The following PTBP2 variants were observed in gnomAD, a reference collection of about 807,000 sequenced individuals.
The protein encoded by PTBP2 is polypyrimidine tract binding protein 2.
In PTBP2, 13 loss-of-function variants were observed where a neutral mutation model predicts 61.4. The ratio of observed to expected loss-of-function variants is 0.21; its 90% CI spans 0.14 to 0.34. The LOEUF is 0.34. Among genes scored for constraint, PTBP2 ranks in the 10% least tolerant of loss-of-function variants. The pLI is 1.00. For synonymous variants in PTBP2, 215 were observed against 218.5 expected (o/e 0.98, Z 0.14); for missense variants, 405 against 642.6 (o/e 0.63, Z 4.00).
At chr1:96,729,891 C>A (rs61786387) in intron 2 of PTBP2, among the ~76,000 whole-genome samples, 1 of 152,202 alleles carries the variant, frequency 6.6e-6, no homozygotes. Context: ...CACACACCAC[C>A]ACACCTGGCT....
intron 3 of PTBP2, among the ~76,000 whole-genome samples, chr1:96,768,622 C>T (rs1216084250): frequency 6.6e-6 from 1 of 151,832 alleles, no homozygotes; most frequent in Non-Finnish European, 1.5e-5. Context: ...TTAAATATTA[C>T]CTATTTTATA....
At chr1:96,753,765 A>G (rs6675378) in intron 3 of PTBP2, among the ~76,000 whole-genome samples, 6,830 of 152,254 alleles carry the variant, frequency 0.045, 481 homozygotes, top group African/African-American at 0.15. Context: ...AAATATTCTA[A>G]TTGAAAAATA....
chr1:96,741,941 A>G (rs370285852), intron 2 of PTBP2, among the ~76,000 whole-genome samples: 1 of 152,214 alleles, frequency 6.6e-6, no homozygotes, highest in Non-Finnish European at 1.5e-5. Context: ...GTCTTGTAGC[A>G]GTACAACAGT....
At chr1:96,722,124 G>A (rs1407210451) in intron 1 of PTBP2, among the ~76,000 whole-genome samples, 1 of 152,148 alleles carries the variant, frequency 6.6e-6, no homozygotes, top group Admixed American at 6.5e-5. Context: ...ATCCCGGAGT[G>A]GGAGCGGGCA....
intron 2 of PTBP2, among the ~76,000 whole-genome samples, chr1:96,743,202 G>A (rs1321873023): frequency 1.3e-5 from 2 of 151,914 alleles, no homozygotes; most frequent in South Asian, 4.2e-4. Flanking sequence ...CAGGAGAATG[G>A]TGTGAACCCG....
At chr1:96,731,489 A>T (rs1021677046) in intron 2 of PTBP2, among the ~76,000 whole-genome samples, 1 of 152,124 alleles carries the variant, frequency 6.6e-6, no homozygotes, top group Non-Finnish European at 1.5e-5. Context: ...ATTCAAATAT[A>T]TATATTTGAA....
rs566683028 is a variant in PTBP2 at position 96,739,799 on chromosome 1, A to T, written c.40-11626A>T. On this transcript the variant is annotated intron_variant, in intron 2 of 13. Transcript: ENST00000674951. ...CGGCTAATTTTTTGTATATATATAT[A>T]TATTTTTTAGTAGAGACGGGGTTTC... Among the ~76,000 whole-genome samples, 45 of 150,618 alleles carry T rather than the reference A, an allele frequency of 3.0e-4. 1 individual carries two copies. The South Asian group carries it at 7.1e-3, about 24-fold the overall frequency.
intron 2 of PTBP2, among the ~76,000 whole-genome samples, chr1:96,745,431 G>T (rs1653623983): frequency 6.6e-6 from 1 of 152,026 alleles, no homozygotes. Flanking sequence ...CAAAGTGCTG[G>T]GATTATAGGT....
intron 2 of PTBP2, among the ~76,000 whole-genome samples, chr1:96,735,282 A>G (rs535744854): frequency 9.8e-5 from 15 of 152,316 alleles, no homozygotes; most frequent in African/African-American, 3.1e-4. Flanking sequence ...TAAAATTCAC[A>G]TAATAGTAAT....
chr1:96,786,118 TTA>T (rs1659175601), intron 8 of PTBP2, among the ~76,000 whole-genome samples: 1 of 152,172 alleles, frequency 6.6e-6, no homozygotes, highest in African/African-American at 2.4e-5. Flanking sequence ...ACAATTTAGT[TTA>T]TGTCTGTCAT....
At chr1:96,722,118 C>T (rs1376432868) in intron 1 of PTBP2, among the ~76,000 whole-genome samples, 2 of 152,060 alleles carry the variant, frequency 1.3e-5, no homozygotes, top group East Asian at 1.9e-4. Flanking sequence ...GTGAGGATCC[C>T]GGAGTGGGAG....
intron 2 of PTBP2, among the ~76,000 whole-genome samples, chr1:96,729,732 A>ATTTTT (rs748378072): frequency 4.5e-5 from 5 of 110,428 alleles, no homozygotes; most frequent in Non-Finnish European, 7.1e-5. Flanking sequence ...TGATACTACT[A>ATTTTT]TTTTTTTTTT....
At chr1:96,731,265 A>G (rs1016759012) in intron 2 of PTBP2, among the ~76,000 whole-genome samples, 2 of 152,240 alleles carry the variant, frequency 1.3e-5, no homozygotes, top group Admixed American at 1.3e-4. Flanking sequence ...CCACAATGCC[A>G]GAACACTCAT....
chr1:96,802,508 T>G (rs1309004919), intron 8 of PTBP2, among the ~76,000 whole-genome samples: 1 of 152,206 alleles, frequency 6.6e-6, no homozygotes, highest in Non-Finnish European at 1.5e-5. Context: ...TTTGGCTTAG[T>G]GGGCCCTTAG....
In PTBP2 at chr1:96,777,606, G is replaced by T. The variant is rs1439614354; in HGVS notation, c.454G>T (p.Ala152Ser). 1 of 1,609,722 alleles carries T rather than the reference G, an allele frequency of 6.2e-7. No homozygotes were observed. Among genetic ancestry groups the T allele is most frequent in the East Asian group, 2.2e-5 (1 of 44,820 alleles). Residue 152 changes from alanine (A) to serine (S), a missense_variant, in exon 6 of 14, where the codon GCT becomes TCT. Around this residue, in one of 4 missense-constraint regions of PTBP2, gnomAD observed 342 missense variants for 491.2 expected, o/e 0.70. Coordinates refer to ENST00000674951, the MANE Select transcript of PTBP2 (RefSeq NM_021190.4). ...CCAGCGTGCTCAGGCAGTTCTTCAA[G>T]CTGTGACAGCTGTCCAGACAGCAAA... ...LNQRAQAVLQ[A>S]VTAVQTANTP...
chr1:96,729,598 T>C (rs1364321099), intron 2 of PTBP2, among the ~76,000 whole-genome samples: 1 of 152,202 alleles, frequency 6.6e-6, no homozygotes, highest in African/African-American at 2.4e-5. Flanking sequence ...ATTCAACTTA[T>C]TTAATAGATA....
At chr1:96,758,805 C>T (rs1311549939) in intron 3 of PTBP2, among the ~76,000 whole-genome samples, 2 of 151,938 alleles carry the variant, frequency 1.3e-5, no homozygotes, top group East Asian at 3.8e-4. Context: ...TAGCTTTCTG[C>T]TTACATTAAG....
At chr1:96,746,827 G>T (rs1195736361) in intron 2 of PTBP2, among the ~76,000 whole-genome samples, 3 of 128,774 alleles carry the variant, frequency 2.3e-5, no homozygotes, top group African/African-American at 8.8e-5. Flanking sequence ...TTGTCTGTCT[G>T]TCTGTCTGTC....
intron 2 of PTBP2, among the ~76,000 whole-genome samples, chr1:96,743,908 G>A (rs1365818463): frequency 2.6e-5 from 4 of 152,000 alleles, no homozygotes; most frequent in Non-Finnish European, 4.4e-5. Context: ...TTAAAAACAC[G>A]GTGGCTAAAG....
Sources: allele counts gnomAD v4.1 joint callset (sites outside exome capture counted in the v4.1 genomes callset), GRCh38; gene constraint gnomAD v4.1.1; regional missense constraint gnomAD v4.1.1; transcripts MANE v1.5; gene names NCBI Gene and HGNC (gene_info 2026-07-23, HGNC 2026-07-21).